The following CCSER1 variants were observed in gnomAD, a reference collection of about 807,000 sequenced individuals.
The protein encoded by CCSER1 is coiled-coil serine rich protein 1.
CCSER1 carries 41 observed loss-of-function variants against 82.0 expected under a neutral mutation model. The ratio of observed to expected loss-of-function variants is 0.50; its 90% CI spans 0.39 to 0.65. The LOEUF (loss-of-function observed/expected upper bound fraction) is 0.65. Among genes scored for constraint, CCSER1 ranks in the 30% least tolerant of loss-of-function variants. The pLI is 0.00. For synonymous variants in CCSER1, 414 were observed against 383.9 expected, an observed-to-expected ratio of 1.08 and a Z score of -0.92; for missense variants, 1,119 against 1,064.2, an observed-to-expected ratio of 1.05 and a Z score of -0.72.
chr4:90,370,125 G>C (rs1175664052), intron 3 of CCSER1: 1 of 152,004 alleles, frequency 6.6e-6, no homozygotes, highest in Non-Finnish European at 1.5e-5. Flanking sequence ...TGGTTATTAG[G>C]TGTCATGCCA....
chr4:90,964,458 G>A (rs1337140009), intron 9 of CCSER1, among the ~76,000 whole-genome samples: 2 of 151,130 alleles, frequency 1.3e-5, no homozygotes, highest in Non-Finnish European at 2.9e-5. Context: ...CAGGCGTGGT[G>A]GCTCACACTT....
intron 5 of CCSER1, among the ~76,000 whole-genome samples, chr4:90,625,967 G>A (rs1161115461): frequency 6.6e-6 from 1 of 152,148 alleles, no homozygotes; most frequent in East Asian, 1.9e-4. Flanking sequence ...TATGATTCCT[G>A]AAAGTTGTGT....
chr4:90,150,129 A>G (rs957416360), intron 1 of CCSER1, among the ~76,000 whole-genome samples: 7 of 152,202 alleles, frequency 4.6e-5, no homozygotes, highest in Non-Finnish European at 7.4e-5. Flanking sequence ...AAAAACCCAC[A>G]TAATAGCAAG....
chr4:91,595,965 A>C (rs976720935), intron 10 of CCSER1, among the ~76,000 whole-genome samples: 3 of 150,426 alleles, frequency 2.0e-5, no homozygotes, highest in African/African-American at 7.3e-5. Flanking sequence ...AAAAAAAAAA[A>C]AACCAAGGGC....
intron 5 of CCSER1, among the ~76,000 whole-genome samples, chr4:90,608,361 T>C (rs1785009461): frequency 6.6e-6 from 1 of 152,190 alleles, no homozygotes; most frequent in Non-Finnish European, 1.5e-5. Context: ...AAAAGGACCA[T>C]ACCTTTCTGA....
At chr4:90,316,752 T>C (rs1461647590) in intron 3 of CCSER1, among the ~76,000 whole-genome samples, 2 of 152,184 alleles carry the variant, frequency 1.3e-5, no homozygotes, top group Non-Finnish European at 2.9e-5. Flanking sequence ...CCTGATGGAT[T>C]AGATATAGTT....
intron 5 of CCSER1, among the ~76,000 whole-genome samples, chr4:90,625,230 G>A (rs753515243): frequency 2.0e-5 from 3 of 152,108 alleles, no homozygotes; most frequent in Non-Finnish European, 4.4e-5. Flanking sequence ...ATATGGCTTC[G>A]TATTAGAGAT....
At chr4:91,349,367 A>G (rs76146118) in intron 10 of CCSER1, among the ~76,000 whole-genome samples, 533 of 152,204 alleles carry the variant, frequency 3.5e-3, no homozygotes, top group African/African-American at 0.012. Flanking sequence ...TAAGAGACAA[A>G]TTCATCTTTA....
intron 9 of CCSER1, among the ~76,000 whole-genome samples, chr4:90,988,873 G>A (rs574092192): frequency 6.6e-6 from 1 of 151,670 alleles, no homozygotes; most frequent in Non-Finnish European, 1.5e-5. Flanking sequence ...GTTTTGTGGG[G>A]TTTTTTATTT....
chr4:90,509,504 A>G (rs1211299717), intron 5 of CCSER1, among the ~76,000 whole-genome samples: 1 of 152,116 alleles, frequency 6.6e-6, no homozygotes, highest in Non-Finnish European at 1.5e-5. Flanking sequence ...TACCACTACA[A>G]TTGCAATCAT....
chr4:90,589,994 C>A (rs989975029), intron 5 of CCSER1, among the ~76,000 whole-genome samples: 1 of 152,186 alleles, frequency 6.6e-6, no homozygotes, highest in Non-Finnish European at 1.5e-5. Context: ...TAATTTTAGG[C>A]TGGACACAAT....
At chr4:90,440,912 G>A (rs1312064718) in intron 4 of CCSER1, among the ~76,000 whole-genome samples, 9 of 152,006 alleles carry the variant, frequency 5.9e-5, no homozygotes, top group Admixed American at 5.9e-4. Flanking sequence ...TTCTCAGAGA[G>A]CTTTAACTTT....
At chr4:90,611,068 T>TTTTTTTTC (rs1785430384) in intron 5 of CCSER1, among the ~76,000 whole-genome samples, 1 of 134,902 alleles carries the variant, frequency 7.4e-6, no homozygotes, top group Admixed American at 7.2e-5. Flanking sequence ...TCTTTTTTTT[T>TTTTTTTTC]TTTTTTTTTT....
rs755436629 is a variant in CCSER1 at position 91,172,294 on chromosome 4, C to A, written c.2217+86300C>A. Among the ~76,000 whole-genome samples, 5 of 152,108 alleles carry A rather than the reference C, an allele frequency of 3.3e-5. No homozygotes were observed. In the East Asian group the frequency reaches 9.6e-4, roughly 29 times the overall value. On this transcript the variant is annotated intron_variant, in intron 10 of 10. Coordinates refer to ENST00000509176, the MANE Select transcript of CCSER1 (RefSeq NM_001145065.2). ...TATTGTTAAAAGAAATTTTGTTCAACCAGAGTGTTACAGAGAGAAAAAAGG... is the reference window on the plus strand; with the variant it reads ...TATTGTTAAAAGAAATTTTGTTCAAACAGAGTGTTACAGAGAGAAAAAAGG...
intron 8 of CCSER1, among the ~76,000 whole-genome samples, chr4:90,834,576 A>G (rs1470219421): frequency 6.6e-6 from 1 of 152,222 alleles, no homozygotes; most frequent in Non-Finnish European, 1.5e-5. Context: ...GTATAATTGC[A>G]TCATACAGCT....
chr4:91,167,382 C>A (rs1687025477), intron 10 of CCSER1, among the ~76,000 whole-genome samples: 1 of 152,100 alleles, frequency 6.6e-6, no homozygotes, highest in Middle Eastern at 3.4e-3. Flanking sequence ...GACAGGGTTT[C>A]ACCATCTTGG....
intron 1 of CCSER1, among the ~76,000 whole-genome samples, 153 bp downstream of exon 1, chr4:90,127,984 G>A (rs1439683847): frequency 6.6e-6 from 1 of 151,782 alleles, no homozygotes; most frequent in Non-Finnish European, 1.5e-5. Flanking sequence ...CAGGCCCGGC[G>A]TGCTCGGCGC....
chr4:90,159,505 TAG>T lies in CCSER1; in HGVS notation c.-42+31682_-42+31683del, dbSNP rs1482149070. Reference sequence around the variant, plus strand: ...TCTAGGAAGACAGTTGTTTCCTTACTAGAGAGAGAACACACAATATGGAAAAA... The same window carrying T: ...TCTAGGAAGACAGTTGTTTCCTTACTAGAGAGAACACACAATATGGAAAAA... On this transcript the variant is annotated intron_variant, in intron 1 of 10. Coordinates refer to ENST00000509176, the MANE Select transcript of CCSER1 (RefSeq NM_001145065.2). Among the ~76,000 whole-genome samples, 3 of 152,258 alleles carry T rather than the reference TAG, an allele frequency of 2.0e-5. No homozygotes were observed. In the East Asian group the frequency reaches 5.8e-4, roughly 29 times the overall value.
At chr4:91,066,785 G>C (rs1720860336) in intron 9 of CCSER1, among the ~76,000 whole-genome samples, 1 of 152,142 alleles carries the variant, frequency 6.6e-6, no homozygotes, top group African/African-American at 2.4e-5. Flanking sequence ...AACATTCTAT[G>C]TCTTTATATA....
Sources: allele counts gnomAD v4.1 joint callset (sites outside exome capture counted in the v4.1 genomes callset), GRCh38; gene constraint gnomAD v4.1.1; transcripts MANE v1.5; gene names NCBI Gene and HGNC (gene_info 2026-07-23, HGNC 2026-07-21).